Variants in LYST observed in about 807,000 individuals in gnomAD.
LYST encodes lysosomal-trafficking regulator.
In LYST, 192 loss-of-function variants were observed where a neutral mutation model predicts 413.6. That is an observed-to-expected ratio of 0.46 (90% CI 0.41 to 0.52). The LOEUF (loss-of-function observed/expected upper bound fraction) is 0.52, where lower values mean the gene tolerates loss of function less well. LYST is among the 20% of genes least tolerant of loss of function. The pLI is 0.00. For missense variants in LYST, 3,815 were observed against 4,499.9 expected (o/e 0.85, Z 4.35); for synonymous variants, 1,525 against 1,567.3 (o/e 0.97, Z 0.64).
chr1:235,696,629 C>T (rs1661123308), intron 46 of LYST, among the ~76,000 whole-genome samples: 1 of 152,152 alleles, frequency 6.6e-6, no homozygotes, highest in African/African-American at 2.4e-5. Flanking sequence ...TTTAGTGAGT[C>T]AGTATGTGGG....
chr1:235,823,785 T>C (rs946161605), intron 3 of LYST, among the ~76,000 whole-genome samples: 2 of 152,246 alleles, frequency 1.3e-5, no homozygotes, highest in Non-Finnish European at 2.9e-5. Context: ...CTTAGGGATG[T>C]CAATATCTAA....
chr1:235,832,080 T>C (rs1340992076), intron 2 of LYST, among the ~76,000 whole-genome samples: 2 of 152,220 alleles, frequency 1.3e-5, no homozygotes, highest in African/African-American at 4.8e-5. Context: ...ACTAACGTCA[T>C]TCTATAAATT....
At chr1:235,760,642 T>C (rs547502542) in intron 22 of LYST, among the ~76,000 whole-genome samples, 2 of 152,164 alleles carry the variant, frequency 1.3e-5, no homozygotes, top group Non-Finnish European at 2.9e-5. Flanking sequence ...TGATACAGAA[T>C]GTATGAGAGA....
At chr1:235,850,767 T>C (rs964916232) in intron 1 of LYST, among the ~76,000 whole-genome samples, 2 of 151,878 alleles carry the variant, frequency 1.3e-5, no homozygotes, top group Non-Finnish European at 2.9e-5. Context: ...AACAAACATA[T>C]GAAAAAATGC....
chr1:235,708,184 C>T (rs1662135616), intron 44 of LYST, among the ~76,000 whole-genome samples: 1 of 152,010 alleles, frequency 6.6e-6, no homozygotes, highest in Non-Finnish European at 1.5e-5. Context: ...TGGAATGATA[C>T]ATATGTATAG....
Position 235,664,375 on chromosome 1 carries a change from A to G in LYST, c.11195+90T>C. The G allele has an allele frequency of 8.3e-7, 1 of 1,198,956 alleles. No homozygotes were observed. The highest frequency in any genetic ancestry group is 1.2e-6 in the Non-Finnish European group (1 of 818,778). 74.3% of individuals were successfully genotyped at this position (1,198,956 alleles called of 1,614,324 possible). A position where few individuals can be genotyped will look rare whatever the true frequency, so the allele number is the denominator to read the frequency against. On this transcript the variant is annotated intron_variant, in intron 51 of 52. Coordinates refer to ENST00000389793, the MANE Select transcript of LYST (RefSeq NM_000081.4). The surrounding 1 kb of genome is among the most constrained non-coding windows in gnomAD (Gnocchi z 4.5). ...GAGTTTAAATCTCTAAATACTGAAT[A>G]TTAATATGCCTAGATATTAAAAATT...
chr1:235,759,268 C>A lies in LYST; in HGVS notation c.6585G>T (p.Leu2195=). The A allele has an allele frequency of 6.2e-7, 1 of 1,614,172 alleles. No homozygotes were observed. The highest frequency in any genetic ancestry group is 8.5e-7 in the Non-Finnish European group (1 of 1,180,018). ...GATCTGCTTTGACCACTGGAAATCC[C>A]AGCACTCCCTTTGGGACATCACTGA... ...VSVSDVPKGV[L]GFPVVKADHK... The change falls in exon 23 of 53, where the codon CTG becomes CTT. Residue 2195 remains leucine (L), a synonymous_variant. Transcript: ENST00000389793.
chr1:235,846,988 G>T (rs1356605398), intron 1 of LYST, among the ~76,000 whole-genome samples: 1 of 152,182 alleles, frequency 6.6e-6, no homozygotes, highest in African/African-American at 2.4e-5. Context: ...CCCTGGCCTT[G>T]CTAGAGACGT....
At chr1:235,857,784 C>CACAT (rs145820873) in intron 1 of LYST, among the ~76,000 whole-genome samples, 2,090 of 121,956 alleles carry the variant, frequency 0.017, 51 homozygotes, top group African/African-American at 0.056. Context: ...CACACACACA[C>CACAT]ATATATATAT....
At chr1:235,758,005 TA>T (rs1188947813) in intron 23 of LYST, among the ~76,000 whole-genome samples, 1 of 152,080 alleles carries the variant, frequency 6.6e-6, no homozygotes, top group Non-Finnish European at 1.5e-5. Context: ...AATCTAGCAT[TA>T]CAGAATATCC....
intron 3 of LYST, among the ~76,000 whole-genome samples, chr1:235,818,221 G>A (rs1412871967): frequency 6.6e-6 from 1 of 152,122 alleles, no homozygotes; most frequent in Non-Finnish European, 1.5e-5. Flanking sequence ...AGAGGGCTAG[G>A]AGACAAGGCT....
At chr1:235,747,913 T>C (rs1207392232) in intron 28 of LYST, among the ~76,000 whole-genome samples, 2 of 152,204 alleles carry the variant, frequency 1.3e-5, no homozygotes, top group Admixed American at 6.5e-5. Flanking sequence ...TATCTAACAT[T>C]ATATTAAATA....
intron 3 of LYST, among the ~76,000 whole-genome samples, chr1:235,819,706 C>T (rs1207732307): frequency 6.6e-6 from 1 of 152,208 alleles, no homozygotes; most frequent in South Asian, 2.1e-4. Context: ...AGTGCAGTGG[C>T]GTGATCTCGG....
At position 235,755,383 on chromosome 1, in the gene LYST, C is replaced by G. The variant is rs1000446929; in HGVS notation, c.7229+95G>C. ...CAGCCTGGGCAACAGGGCGAGACTC[C>G]GTCTCAAAAGAAAAGAAAAGAAAAG... is the stretch of plus-strand genomic sequence containing the variant. On this transcript the variant is annotated intron_variant, in intron 25 of 52. Coordinates refer to ENST00000389793, the MANE Select transcript of LYST (RefSeq NM_000081.4). The G allele has an allele frequency of 1.1e-4, 123 of 1,145,346 alleles. 4 individuals carry two copies. The South Asian group carries it at 1.6e-3, about 15-fold the overall frequency. The allele number at this position is 1,145,346 out of a possible 1,614,324, so 70.9% of individuals were successfully genotyped here. A position where few individuals can be genotyped will look rare whatever the true frequency, so the allele number is the denominator to read the frequency against.
At chr1:235,827,331 T>C in intron 3 of LYST, 3 of 584,484 alleles carry the variant, frequency 5.1e-6, no homozygotes, top group Non-Finnish European at 6.5e-6. Context: ...ATTGTGCCGC[T>C]GCAGTCCAGC....
chr1:235,711,939 C>T, intron 43 of LYST, 118 bp downstream of exon 43: 1 of 655,832 alleles, frequency 1.5e-6, no homozygotes, highest in Non-Finnish European at 2.6e-6. Flanking sequence ...AAAACATTTT[C>T]TCTTATTTGG....
rs188685773 is a variant in LYST at position 235,673,665 on chromosome 1, G to C, written c.11038+3426C>G. On this transcript the variant is annotated intron_variant, in intron 50 of 52. Transcript: ENST00000389793. ...CCACCTTAGGTGCTTCTATGGTCTA[G>C]GAGAAAATGCCGTTAGAAAGGACTC... Among the ~76,000 whole-genome samples the C allele has an allele frequency of 3.2e-4, 48 of 152,250 alleles. 1 individual carries two copies. In the East Asian group the frequency reaches 4.1e-3, roughly 13 times the overall value.
rs376475257 is a variant in LYST, at chr1:235,800,973, A to G, written c.3837T>C (p.Leu1279=). Residue 1279 remains leucine, a synonymous_variant, in exon 9 of 53, where the codon CTT becomes CTC. Transcript: ENST00000389793. ...CATCAAGTTTGGCTTTACTAGCAGA[A>G]AGCAAATTTAATTCCAGCATACAAA... The part of the protein sequence containing the change: ...PEICMLELNL[L]SASKAKLDVL... 17 of 1,613,666 alleles carry G rather than the reference A, an allele frequency of 1.1e-5. No individual in the cohort carries two copies. Among genetic ancestry groups the G allele is most frequent in the Non-Finnish European group, 1.4e-5 (16 of 1,179,780 alleles).
At chr1:235,819,017 T>A (rs1674465315) in intron 3 of LYST, among the ~76,000 whole-genome samples, 1 of 152,218 alleles carries the variant, frequency 6.6e-6, no homozygotes. Context: ...AGAACATTCC[T>A]GTTGCCCCCA....
Sources: allele counts gnomAD v4.1 joint callset (sites outside exome capture counted in the v4.1 genomes callset), GRCh38; gene constraint gnomAD v4.1.1; non-coding constraint Gnocchi (gnomAD v3.1); transcripts MANE v1.5; gene names NCBI Gene and HGNC (gene_info 2026-07-23, HGNC 2026-07-21).